ASXL2: variants seen among roughly 807,000 people sequenced by gnomAD.
ASXL2 encodes ASXL transcriptional regulator 2, also known as putative Polycomb group protein ASXL2.
Under a neutral mutation model 122.0 loss-of-function variants are expected in ASXL2, and 23 were observed. That is an observed-to-expected ratio of 0.19 (90% CI 0.14 to 0.27). The LOEUF (loss-of-function observed/expected upper bound fraction) is 0.27, where lower values mean the gene tolerates loss of function less well. Ranked by LOEUF, ASXL2 falls within the 10% of genes least tolerant of loss-of-function variation. The probability of loss-of-function intolerance (pLI) is 1.00; values close to 1 mark genes in which losing one functional copy is unlikely to be tolerated. For synonymous variants in ASXL2, 650 were observed against 637.0 expected (o/e 1.02, Z -0.31); for missense variants, 1,518 against 1,713.8 (o/e 0.89, Z 2.02).
Position 25,743,010 on chromosome 2 carries a change from A to T in ASXL2, c.3327T>A (p.Gly1109=), listed in dbSNP as rs2149136188. The change falls in exon 13 of 13, where the codon GGT becomes GGA. Residue 1109 remains glycine, a synonymous_variant. Transcript: ENST00000435504. Reference sequence around the variant, plus strand: ...GTTTGGATGTCCTTCTGCCAGCAAAACCCAGCATGAACCTCTGGCTTGTGG... The same window carrying T: ...GTTTGGATGTCCTTCTGCCAGCAAATCCCAGCATGAACCTCTGGCTTGTGG... ...DISTSQRFML[G]FAGRRTSKPA... 6.2e-7 allele frequency: 1 copy of T among 1,613,888 alleles called. No homozygotes were observed. The highest frequency in any genetic ancestry group is 1.1e-5 in the South Asian group (1 of 91,070).
At chr2:25,747,318 T>G (rs1201548922) in intron 12 of ASXL2, among the ~76,000 whole-genome samples, 1 of 152,200 alleles carries the variant, frequency 6.6e-6, no homozygotes, top group East Asian at 1.9e-4. Context: ...TACTACATTG[T>G]GAATTTTGTT....
chr2:25,853,959 T>C (rs1212380626), intron 1 of ASXL2, among the ~76,000 whole-genome samples: 1 of 152,050 alleles, frequency 6.6e-6, no homozygotes, highest in Admixed American at 6.6e-5. Flanking sequence ...TGAGGGAAAA[T>C]GCAAATAAAT....
chr2:25,865,769 C>T (rs1413412621), intron 1 of ASXL2, among the ~76,000 whole-genome samples: 51 of 97,952 alleles, frequency 5.2e-4, no homozygotes, highest in African/African-American at 2.0e-3. Context: ...AGCAAGACTC[C>T]GTCTCAAAAA....
intron 9 of ASXL2, among the ~76,000 whole-genome samples, chr2:25,757,381 G>A (rs941589395): frequency 6.6e-6 from 1 of 151,178 alleles, no homozygotes; most frequent in Non-Finnish European, 1.5e-5. Flanking sequence ...GCTCACATCT[G>A]TAATCCCAGC....
chr2:25,878,321 G>A lies in ASXL2; in HGVS notation c.-99C>T. 2.2e-6 allele frequency: 3 copies of A among 1,355,560 alleles called. No homozygotes were observed. The highest frequency in any genetic ancestry group is 3.1e-6 in the Non-Finnish European group (3 of 960,584). The allele number at this position is 1,355,560 out of a possible 1,614,324, so 84.0% of individuals were successfully genotyped here. A position where few individuals can be genotyped will look rare whatever the true frequency, so the allele number is the denominator to read the frequency against. Reference sequence around the variant, plus strand: ...CTGCTTTTCCCGCGGTGCCGGGAAAGGTGGGAGAAAAGGGAAGTCAGACCG... The same window carrying A: ...CTGCTTTTCCCGCGGTGCCGGGAAAAGTGGGAGAAAAGGGAAGTCAGACCG... On this transcript the variant is annotated 5_prime_UTR_variant, in exon 1 of 13. Transcript: ENST00000435504.
chr2:25,736,055 A>C lies in ASXL2; in HGVS notation c.*5974T>G, dbSNP rs940560068. ...CTTACCTTTGCATAACCAGCACTTT[A>C]GTGCTTAGTGCACAGTAGGTGCTCT... On this transcript the variant is annotated 3_prime_UTR_variant, in exon 13 of 13. Coordinates refer to ENST00000435504, the MANE Select transcript of ASXL2 (RefSeq NM_018263.6). 1.1e-4 allele frequency: 17 copies of C among 152,378 alleles called. No homozygotes were observed. The highest frequency in any genetic ancestry group is 4.1e-4 in the African/African-American group (17 of 41,588). The allele number at this position is 152,378 out of a possible 1,614,324, so 9.4% of individuals were successfully genotyped here.
intron 1 of ASXL2, among the ~76,000 whole-genome samples, chr2:25,866,134 CTTTTTT>C (rs779728638): frequency 2.1e-5 from 3 of 141,324 alleles, no homozygotes; most frequent in African/African-American, 7.8e-5. Flanking sequence ...TTTCTTTTTT[CTTTTTT>C]TTTTTTTTTG....
At chr2:25,817,072 C>T (rs953549225) in intron 3 of ASXL2, among the ~76,000 whole-genome samples, 1 of 152,000 alleles carries the variant, frequency 6.6e-6, no homozygotes, top group African/African-American at 2.4e-5. Context: ...TTGCAGTGAG[C>T]CAAGATTGCA....
chr2:25,775,534 C>G (rs557462906), intron 5 of ASXL2, among the ~76,000 whole-genome samples: 4 of 152,254 alleles, frequency 2.6e-5, no homozygotes, highest in African/African-American at 9.6e-5. Context: ...GCTTCCCCCA[C>G]GTTGTTCTCG....
rs1382671392 is a variant in ASXL2 at position 25,824,208 on chromosome 2, GA to G, written c.143+11329del. Among the ~76,000 whole-genome samples the G allele has an allele frequency of 3.8e-4, 58 of 151,236 alleles. No homozygotes were observed. In the South Asian group the frequency reaches 8.8e-3, roughly 23 times the overall value. On this transcript the variant is annotated intron_variant, in intron 3 of 12. Coordinates refer to ENST00000435504, the MANE Select transcript of ASXL2 (RefSeq NM_018263.6). Reference sequence around the variant, plus strand: ...TTGAACTAAAGGTTTCAATATAAAAGAAAAAAATACAAATATAAAATCAAAT... The same window carrying G: ...TTGAACTAAAGGTTTCAATATAAAAGAAAAAATACAAATATAAAATCAAAT...
chr2:25,837,083 G>T (rs1252711177), intron 2 of ASXL2, among the ~76,000 whole-genome samples: 1 of 71,364 alleles, frequency 1.4e-5, no homozygotes, highest in Non-Finnish European at 3.0e-5. Flanking sequence ...CCAAAGGGGG[G>T]TGGGGGGGGG....
chr2:25,790,356 G>A (rs1358087031), intron 5 of ASXL2, among the ~76,000 whole-genome samples: 2 of 147,828 alleles, frequency 1.4e-5, no homozygotes, highest in Non-Finnish European at 1.5e-5. Context: ...GCATGAGCAA[G>A]GTTTCCTAGG....
intron 1 of ASXL2, among the ~76,000 whole-genome samples, chr2:25,851,694 C>A (rs964316479): frequency 6.6e-6 from 1 of 152,110 alleles, no homozygotes; most frequent in Non-Finnish European, 1.5e-5. Context: ...CAGTCATGAC[C>A]AGCCTGGCCA....
At chr2:25,786,180 T>C (rs536434154) in intron 5 of ASXL2, among the ~76,000 whole-genome samples, 24 of 148,906 alleles carry the variant, frequency 1.6e-4, no homozygotes, top group African/African-American at 5.9e-4. Flanking sequence ...AAATTACAAA[T>C]AAAAGGAAAC....
chr2:25,758,626 C>A (rs1174608964), intron 9 of ASXL2, among the ~76,000 whole-genome samples: 1 of 151,366 alleles, frequency 6.6e-6, no homozygotes, highest in African/African-American at 2.4e-5. Flanking sequence ...CTAAAGCTCT[C>A]TGGTCCCTGC....
rs757539017 is a variant in ASXL2 at position 25,744,364 on chromosome 2, G to GC, written c.1972dup (p.Ala658GlyfsTer49). 1.2e-6 allele frequency: 2 copies of GC among 1,613,988 alleles called. No individual in the cohort carries two copies. Among genetic ancestry groups the GC allele is most frequent in the Admixed American group, 1.7e-5 (1 of 60,032 alleles). ...CAGTTGGGCTTTTGCTTTGATGTCT[G>GC]CAAGAGTTCTGGCTCCTGTTCTGTT... is the stretch of plus-strand genomic sequence containing the variant. On this transcript the variant is annotated frameshift_variant, in exon 13 of 13. Coordinates refer to ENST00000435504, the MANE Select transcript of ASXL2 (RefSeq NM_018263.6). LOFTEE classifies it high-confidence loss of function. This position sits in a 1 kb window ranked among gnomAD's most constrained non-coding sequence, Gnocchi z 4.7.
chr2:25,837,532 C>T (rs922990905), intron 2 of ASXL2, among the ~76,000 whole-genome samples: 1 of 151,964 alleles, frequency 6.6e-6, no homozygotes, highest in African/African-American at 2.4e-5. Context: ...TTACAATTTT[C>T]GAAAAGTAAA....
intron 3 of ASXL2, among the ~76,000 whole-genome samples, chr2:25,812,640 G>A (rs1416232323): frequency 6.6e-6 from 1 of 152,018 alleles, no homozygotes; most frequent in African/African-American, 2.4e-5. Flanking sequence ...AATATATTTG[G>A]GACCACTGAT....
intron 2 of ASXL2, among the ~76,000 whole-genome samples, chr2:25,844,724 T>C (rs2149193001): frequency 6.6e-6 from 1 of 152,202 alleles, no homozygotes; most frequent in South Asian, 2.1e-4. Context: ...CTTAGCACTC[T>C]GCAGCCTCGA....
Sources: gnomAD v4.1 joint callset for allele counts (sites outside exome capture counted in the v4.1 genomes callset) on GRCh38, gnomAD v4.1.1 for gene constraint, Gnocchi (gnomAD v3.1) non-coding constraint, MANE v1.5 for transcripts, NCBI Gene and HGNC (gene_info 2026-07-23, HGNC 2026-07-21) for gene names.